Variants in CTNNA2 observed in about 807,000 individuals in gnomAD.
The protein encoded by CTNNA2 is catenin alpha-2.
CTNNA2 carries 42 observed loss-of-function variants against 101.0 expected under a neutral mutation model. That is an observed-to-expected ratio of 0.42 (90% CI 0.32 to 0.54). The LOEUF (loss-of-function observed/expected upper bound fraction) is 0.54, where lower values mean the gene tolerates loss of function less well. Ranked by LOEUF, CTNNA2 falls within the 20% of genes least tolerant of loss-of-function variation. The pLI is 0.14. For missense variants in CTNNA2, 871 were observed against 1,223.1 expected (o/e 0.71, Z 4.29); for synonymous variants, 450 against 456.4 (o/e 0.99, Z 0.18).
In CTNNA2 at chr2:79,753,509, G is replaced by C. The variant is rs547978648; in HGVS notation, c.298+8927G>C. 8.9e-4 allele frequency among the ~76,000 whole-genome samples: 135 copies of C among 152,298 alleles called. 1 individual carries two copies. The highest frequency in any genetic ancestry group is 2.2e-3 in the Admixed American group (34 of 15,304). ...TCTCCACATTCTCTTAAGCCATGGA[G>C]CAGTTGCTTATGTTTCCTGCCTTCG... is the stretch of plus-strand genomic sequence containing the variant. On this transcript the variant is annotated intron_variant, in intron 3 of 18. Coordinates refer to ENST00000402739, the MANE Select transcript of CTNNA2 (RefSeq NM_001282597.3).
At chr2:80,235,619 G>C (rs780697809) in intron 7 of CTNNA2, among the ~76,000 whole-genome samples, 1 of 152,100 alleles carries the variant, frequency 6.6e-6, no homozygotes, top group Non-Finnish European at 1.5e-5. Context: ...AAGAAGATTG[G>C]GATCACTCCC....
intron 9 of CTNNA2, among the ~76,000 whole-genome samples, chr2:80,436,873 T>C (rs80204530): frequency 0.021 from 3,220 of 152,276 alleles, 124 homozygotes; most frequent in African/African-American, 0.073. Context: ...ACTTTGAGGA[T>C]TGGATTTCAA....
chr2:79,893,889 T>A (rs1290045770), intron 6 of CTNNA2, among the ~76,000 whole-genome samples: 1 of 152,210 alleles, frequency 6.6e-6, no homozygotes, highest in Non-Finnish European at 1.5e-5. Context: ...TCTAGACATC[T>A]GTTTAGCTGT....
chr2:79,583,638 C>G (rs1426012902), intron 1 of CTNNA2, among the ~76,000 whole-genome samples: 1 of 152,228 alleles, frequency 6.6e-6, no homozygotes, highest in Non-Finnish European at 1.5e-5. Flanking sequence ...TTTTGCATCT[C>G]CAAAGCCATA....
intron 1 of CTNNA2, among the ~76,000 whole-genome samples, chr2:79,645,535 A>G (rs1204118628): frequency 6.6e-6 from 1 of 152,138 alleles, no homozygotes; most frequent in Non-Finnish European, 1.5e-5. Context: ...TTCAGACTTG[A>G]TTCTTGAAAT....
In CTNNA2 at chr2:80,343,589, G is replaced by A. The variant is rs530327112; in HGVS notation, c.1057-49622G>A. Reference sequence around the variant, plus strand: ...TATGTGTGTTACCATTTCTTTGATCGTCTTGGCCTGCAAATTCAGGATAAA... The same window carrying A: ...TATGTGTGTTACCATTTCTTTGATCATCTTGGCCTGCAAATTCAGGATAAA... On this transcript the variant is annotated intron_variant, in intron 7 of 18. Transcript: ENST00000402739. 7.2e-5 allele frequency among the ~76,000 whole-genome samples: 11 copies of A among 152,040 alleles called. No individual in the cohort carries two copies. The East Asian group carries it at 7.7e-4, about 11-fold the overall frequency.
chr2:79,323,687 T>G (rs956046285), intron 3 of CTNNA2, among the ~76,000 whole-genome samples: 40 of 152,312 alleles, frequency 2.6e-4, no homozygotes, highest in African/African-American at 8.9e-4. Flanking sequence ...CCCTTTTTAG[T>G]GATTGGTGCA....
chr2:79,652,868 T>C (rs1405764412), intron 2 of CTNNA2, among the ~76,000 whole-genome samples: 1 of 152,096 alleles, frequency 6.6e-6, no homozygotes, highest in Non-Finnish European at 1.5e-5. Flanking sequence ...CAACTCAAGT[T>C]CAAAATATCA....
At chr2:80,389,691 A>AT (rs1286854742) in intron 7 of CTNNA2, among the ~76,000 whole-genome samples, 2 of 152,144 alleles carry the variant, frequency 1.3e-5, no homozygotes, top group Non-Finnish European at 2.9e-5. Context: ...TCCTGCACAA[A>AT]TACCTTATTT....
intron 7 of CTNNA2, among the ~76,000 whole-genome samples, chr2:80,240,194 A>G (rs973170593): frequency 1.5e-4 from 23 of 152,322 alleles, no homozygotes; most frequent in African/African-American, 4.8e-4. Context: ...GGTATTAGAG[A>G]AGGATGAACA....
At chr2:80,069,945 G>T (rs1182091831) in intron 7 of CTNNA2, among the ~76,000 whole-genome samples, 1 of 152,174 alleles carries the variant, frequency 6.6e-6, no homozygotes, top group Non-Finnish European at 1.5e-5. Context: ...GGAATGTGTT[G>T]TAGTCTTCAA....
chr2:79,878,915 T>C (rs1438801635), intron 6 of CTNNA2, among the ~76,000 whole-genome samples: 1 of 152,200 alleles, frequency 6.6e-6, no homozygotes, highest in Non-Finnish European at 1.5e-5. Context: ...TCCTGAATGG[T>C]ATTGCCTAGG....
At chr2:80,029,512 G>C (rs553335558) in intron 7 of CTNNA2, 8 of 152,156 alleles carry the variant, frequency 5.3e-5, no homozygotes, top group Non-Finnish European at 1.0e-4. Flanking sequence ...TGAGAGTTAA[G>C]GAAAGTTAAT....
chr2:79,218,349 G>A (rs868433242), intron 2 of CTNNA2, among the ~76,000 whole-genome samples: 180 of 68,874 alleles, frequency 2.6e-3, no homozygotes, highest in Admixed American at 0.011. Context: ...GTGTGTGTGT[G>A]TATTTTTTTT....
intron 7 of CTNNA2, among the ~76,000 whole-genome samples, chr2:80,383,432 C>T (rs543948028): frequency 6.6e-6 from 1 of 152,150 alleles, no homozygotes. Flanking sequence ...GAAAACCAGG[C>T]ACATTCTACT....
At position 79,868,342 on chromosome 2, in the gene CTNNA2, A is replaced by G. The variant is rs142951528; in HGVS notation, c.466-1474A>G. ...AACCCCTGCCACCAGTATCATTCCA[A>G]ATAACTTCCTTTGCTTGCTACAACT... On this transcript the variant is annotated intron_variant, in intron 4 of 18. Transcript: ENST00000402739. Among the ~76,000 whole-genome samples, 26 of 152,320 alleles carry G rather than the reference A, an allele frequency of 1.7e-4. No homozygotes were observed. The East Asian group carries it at 4.8e-3, about 28-fold the overall frequency.
chr2:79,933,559 A>G (rs1432562271), intron 7 of CTNNA2, among the ~76,000 whole-genome samples: 1 of 150,926 alleles, frequency 6.6e-6, no homozygotes, highest in Non-Finnish European at 1.5e-5. Flanking sequence ...GGTTCATGCC[A>G]TTCTCCTGCC....
intron 6 of CTNNA2, among the ~76,000 whole-genome samples, chr2:79,884,453 C>T (rs1426281967): frequency 6.6e-6 from 1 of 152,172 alleles, no homozygotes; most frequent in African/African-American, 2.4e-5. Flanking sequence ...GACTGTCACT[C>T]ACTCACAAAA....
intron 7 of CTNNA2, among the ~76,000 whole-genome samples, chr2:80,157,749 G>A (rs1704070719): frequency 6.6e-6 from 1 of 152,110 alleles, no homozygotes; most frequent in Non-Finnish European, 1.5e-5. Context: ...TGGTATGTCT[G>A]TGACATGTGC....
Sources: allele counts gnomAD v4.1 joint callset (sites outside exome capture counted in the v4.1 genomes callset), GRCh38; gene constraint gnomAD v4.1.1; transcripts MANE v1.5; gene names NCBI Gene and HGNC (gene_info 2026-07-23, HGNC 2026-07-21).